Variants in FBXL17 observed in about 807,000 individuals in gnomAD.
The protein encoded by FBXL17 is F-box and leucine rich repeat protein 17.
A neutral mutation model predicts 66.2 loss-of-function variants in FBXL17; 22 were observed. That is an observed-to-expected ratio of 0.33 (90% CI 0.24 to 0.47). FBXL17 has a LOEUF of 0.47. Among genes scored for constraint, FBXL17 ranks in the 20% least tolerant of loss-of-function variants. The pLI is 1.00. For missense variants in FBXL17, 878 were observed against 948.2 expected, an observed-to-expected ratio of 0.93 and a Z score of 0.97; for synonymous variants, 474 against 400.5, an observed-to-expected ratio of 1.18 and a Z score of -2.19.
intron 4 of FBXL17, among the ~76,000 whole-genome samples, chr5:108,228,642 T>A (rs1379204625): frequency 1.3e-5 from 2 of 152,200 alleles, no homozygotes; most frequent in African/African-American, 4.8e-5. Flanking sequence ...CACTCCAGGT[T>A]CCCCTTTCTT....
intron 6 of FBXL17, among the ~76,000 whole-genome samples, chr5:108,045,396 C>T (rs898948079): frequency 1.3e-5 from 2 of 152,022 alleles, no homozygotes; most frequent in Admixed American, 6.6e-5. Context: ...GAGCTCAGAT[C>T]GCACCACTGC....
intron 4 of FBXL17, chr5:108,298,827 A>C (rs923618820): frequency 5.4e-5 from 48 of 893,282 alleles, no homozygotes; most frequent in Admixed American, 6.2e-5. Context: ...AAAACAAAAA[A>C]TAAAAACCTA....
chr5:108,129,055 T>C (rs1750825208), intron 6 of FBXL17, among the ~76,000 whole-genome samples: 1 of 152,144 alleles, frequency 6.6e-6, no homozygotes, highest in African/African-American at 2.4e-5. Flanking sequence ...GAGAATTGTA[T>C]CAAATAGGTT....
intron 5 of FBXL17, among the ~76,000 whole-genome samples, chr5:108,188,833 T>C (rs865878672): frequency 4.6e-5 from 7 of 152,174 alleles, no homozygotes; most frequent in Non-Finnish European, 8.8e-5. Flanking sequence ...TTACCTCTCA[T>C]TGTAGCTTTT....
At chr5:108,149,603 A>G (rs961521079) in intron 6 of FBXL17, among the ~76,000 whole-genome samples, 1 of 152,192 alleles carries the variant, frequency 6.6e-6, no homozygotes. Flanking sequence ...CAGTGGCTTC[A>G]GTTGGGCATT....
chr5:108,274,205 C>T (rs957240859), intron 4 of FBXL17, among the ~76,000 whole-genome samples: 2 of 152,176 alleles, frequency 1.3e-5, no homozygotes, highest in African/African-American at 2.4e-5. Context: ...ATTTCCTCTT[C>T]CTAATAAGCC....
At chr5:108,039,935 T>C (rs1746985009) in intron 6 of FBXL17, among the ~76,000 whole-genome samples, 1 of 152,120 alleles carries the variant, frequency 6.6e-6, no homozygotes, top group Non-Finnish European at 1.5e-5. Context: ...AATGATATCG[T>C]TTGGTATTTA....
chr5:108,001,870 T>A (rs1329316709), intron 7 of FBXL17, among the ~76,000 whole-genome samples: 1 of 152,068 alleles, frequency 6.6e-6, no homozygotes, highest in African/African-American at 2.4e-5. Flanking sequence ...GGCTAATACT[T>A]TAAACATCCT....
At chr5:107,992,172 T>A (rs937214709) in intron 7 of FBXL17, among the ~76,000 whole-genome samples, 4 of 152,052 alleles carry the variant, frequency 2.6e-5, no homozygotes, top group African/African-American at 9.7e-5. Flanking sequence ...CATTTAATGT[T>A]GTAATTTTCT....
intron 6 of FBXL17, among the ~76,000 whole-genome samples, chr5:108,079,848 A>C (rs1382576670): frequency 6.6e-6 from 1 of 152,236 alleles, no homozygotes; most frequent in Non-Finnish European, 1.5e-5. Flanking sequence ...TTACACAATA[A>C]TTTCTTAGAA....
intron 5 of FBXL17, among the ~76,000 whole-genome samples, chr5:108,220,316 G>A (rs1400845919): frequency 6.6e-6 from 1 of 152,026 alleles, no homozygotes; most frequent in African/African-American, 2.4e-5. Context: ...TGTCAACTCA[G>A]ACAGTCTGCT....
intron 7 of FBXL17, among the ~76,000 whole-genome samples, chr5:107,889,946 G>C (rs1749137987): frequency 6.6e-6 from 1 of 152,108 alleles, no homozygotes; most frequent in African/African-American, 2.4e-5. Flanking sequence ...CCACTGCTCT[G>C]GTTTTCAGTG....
chr5:108,153,959 T>A (rs1751866943), intron 6 of FBXL17, among the ~76,000 whole-genome samples: 1 of 152,184 alleles, frequency 6.6e-6, no homozygotes, highest in South Asian at 2.1e-4. Context: ...AAGTGTTTCT[T>A]TCTTGTGGCT....
chr5:108,208,158 G>A (rs1007414938), intron 5 of FBXL17, among the ~76,000 whole-genome samples: 7 of 152,020 alleles, frequency 4.6e-5, no homozygotes, highest in African/African-American at 1.7e-4. Context: ...ACTTTTTGAT[G>A]GAGTTGTTCT....
At chr5:107,936,554 A>ATTCTTTTGTCCTACTG (rs58144302) in intron 7 of FBXL17, among the ~76,000 whole-genome samples, 1 of 152,036 alleles carries the variant, frequency 6.6e-6, no homozygotes, top group Non-Finnish European at 1.5e-5. Context: ...TTTAACAACT[A>ATTCTTTTGTCCTACTG]TTCTTGAATT....
intron 6 of FBXL17, among the ~76,000 whole-genome samples, chr5:108,064,721 C>A (rs2112850909): frequency 1.3e-5 from 2 of 152,306 alleles, no homozygotes; most frequent in East Asian, 1.9e-4. Flanking sequence ...TATTCTCACC[C>A]ACTCAGAAAT....
chr5:107,898,452 C>T (rs1401903880), intron 7 of FBXL17, among the ~76,000 whole-genome samples: 1 of 151,986 alleles, frequency 6.6e-6, no homozygotes, highest in African/African-American at 2.4e-5. Context: ...TTCATTTCCA[C>T]TTAATGAATA....
intron 5 of FBXL17, among the ~76,000 whole-genome samples, chr5:108,197,567 TAGCCCAAGACGAAAGCTTACCATATCCA>T (rs1447931954): frequency 6.6e-6 from 1 of 152,152 alleles, no homozygotes; most frequent in Non-Finnish European, 1.5e-5. Context: ...AAAATGCCAT[TAGCCCAAGACGAAAGCTTACCATATCCA>T]AGCCAAGTGA....
At chr5:108,373,944 G>A (rs1225361883) in intron 1 of FBXL17, among the ~76,000 whole-genome samples, 2 of 152,042 alleles carry the variant, frequency 1.3e-5, no homozygotes, top group Non-Finnish European at 2.9e-5. Context: ...TGAATAACAG[G>A]ATAAAATGTA....
Sources: gnomAD v4.1 joint callset for allele counts (sites outside exome capture counted in the v4.1 genomes callset) on GRCh38, gnomAD v4.1.1 for gene constraint, MANE v1.5 for transcripts, NCBI Gene and HGNC (gene_info 2026-07-23, HGNC 2026-07-21) for gene names.